KCNQ3: variants seen among roughly 807,000 people sequenced by gnomAD.
KCNQ3 encodes potassium voltage-gated channel subfamily KQT member 3.
Under a neutral mutation model 92.5 loss-of-function variants are expected in KCNQ3, and 30 were observed. The observed-to-expected ratio is 0.32, with a 90% confidence interval of 0.24 to 0.44. The LOEUF is 0.44. Among genes scored for constraint, KCNQ3 ranks in the 20% least tolerant of loss-of-function variants. KCNQ3 has a pLI of 1.00. For missense variants in KCNQ3, 913 were observed against 1,140.3 expected, an observed-to-expected ratio of 0.80 and a Z score of 2.87; for synonymous variants, 450 against 468.8, an observed-to-expected ratio of 0.96 and a Z score of 0.52.
intron 1 of KCNQ3, among the ~76,000 whole-genome samples, chr8:132,470,582 A>T (rs979110702): frequency 6.6e-6 from 1 of 152,228 alleles, no homozygotes; most frequent in African/African-American, 2.4e-5. Context: ...AATATAGAAC[A>T]TCCACTTACA....
At chr8:132,173,917 G>C (rs1188804406) in intron 6 of KCNQ3, among the ~76,000 whole-genome samples, 3 of 152,182 alleles carry the variant, frequency 2.0e-5, no homozygotes, top group Non-Finnish European at 4.4e-5. Flanking sequence ...CAGTCCTCTG[G>C]GGAAGGCAGA....
At chr8:132,164,242 AATTGCCCAAGGTCT>A (rs1158683833) in intron 8 of KCNQ3, among the ~76,000 whole-genome samples, 179 of 151,878 alleles carry the variant, frequency 1.2e-3, no homozygotes, top group African/African-American at 4.2e-3. Flanking sequence ...GTTCTTATTC[AATTGCCCAAGGTCT>A]ACACTGAGCA....
chr8:132,362,656 G>C (rs901003748), intron 1 of KCNQ3, among the ~76,000 whole-genome samples: 1 of 152,168 alleles, frequency 6.6e-6, no homozygotes, highest in African/African-American at 2.4e-5. Context: ...ACCAGAAAGT[G>C]GAACATTTGA....
At chr8:132,194,989 C>G (rs1827263494) in intron 1 of KCNQ3, among the ~76,000 whole-genome samples, 4 of 152,152 alleles carry the variant, frequency 2.6e-5, no homozygotes. Context: ...TTGTGCTATT[C>G]TTTTACCTGA....
At chr8:132,198,049 A>G (rs1238722165) in intron 1 of KCNQ3, among the ~76,000 whole-genome samples, 3 of 152,080 alleles carry the variant, frequency 2.0e-5, no homozygotes, top group Non-Finnish European at 4.4e-5. Flanking sequence ...TCCAGTCAAT[A>G]GACTACAGTA....
chr8:132,420,555 T>C (rs546227702), intron 1 of KCNQ3, among the ~76,000 whole-genome samples: 1 of 152,260 alleles, frequency 6.6e-6, no homozygotes, highest in Non-Finnish European at 1.5e-5. Context: ...TGTTCTTTTT[T>C]CAAAAGATAG....
chr8:132,246,785 G>A (rs998731504), intron 1 of KCNQ3, among the ~76,000 whole-genome samples: 5 of 152,048 alleles, frequency 3.3e-5, no homozygotes, highest in East Asian at 1.9e-4. Context: ...CCAGCATTAC[G>A]TCCTCCAGAA....
intron 12 of KCNQ3, among the ~76,000 whole-genome samples, chr8:132,136,140 A>G (rs1450055024): frequency 1.3e-5 from 2 of 149,984 alleles, no homozygotes; most frequent in Admixed American, 1.3e-4. Flanking sequence ...AAAAAAAAAA[A>G]AAAAAAGAAA....
At chr8:132,246,554 G>A (rs182127403) in intron 1 of KCNQ3, among the ~76,000 whole-genome samples, 2 of 152,304 alleles carry the variant, frequency 1.3e-5, no homozygotes, top group African/African-American at 2.4e-5. Flanking sequence ...CCTGATTGCT[G>A]CCATGATAAT....
intron 1 of KCNQ3, among the ~76,000 whole-genome samples, chr8:132,270,820 A>C (rs1288613733): frequency 1.3e-5 from 2 of 152,244 alleles, no homozygotes; most frequent in African/African-American, 4.8e-5. Flanking sequence ...AAAAATTTAA[A>C]AGAAAGTTCA....
chr8:132,447,007 C>T (rs368779567), intron 1 of KCNQ3, among the ~76,000 whole-genome samples: 82 of 152,286 alleles, frequency 5.4e-4, no homozygotes, highest in Admixed American at 4.6e-3. Flanking sequence ...CATCTCATTA[C>T]CATTAGGGTA....
chr8:132,145,431 T>A (rs1825422643), intron 9 of KCNQ3, among the ~76,000 whole-genome samples: 3 of 152,218 alleles, frequency 2.0e-5, no homozygotes, highest in Admixed American at 2.0e-4. Context: ...AGTTCCAATC[T>A]CTGCTCTGTA....
rs144411082 is a variant in KCNQ3 at position 132,450,726 on chromosome 8, C to T, written c.386+29421G>A. On this transcript the variant is annotated intron_variant, in intron 1 of 14. Coordinates refer to ENST00000388996, the MANE Select transcript of KCNQ3 (RefSeq NM_004519.4). Reference sequence around the variant, plus strand: ...CAATGCAGGTGAATGCCCTTTGAGCCGAAGAGGAAGAAGGAGCTCACATGC... The same window carrying T: ...CAATGCAGGTGAATGCCCTTTGAGCTGAAGAGGAAGAAGGAGCTCACATGC... Among the ~76,000 whole-genome samples, 34 of 152,266 alleles carry T rather than the reference C, an allele frequency of 2.2e-4. 1 individual carries two copies. The highest frequency in any genetic ancestry group is 6.3e-4 in the African/African-American group (26 of 41,550).
intron 1 of KCNQ3, among the ~76,000 whole-genome samples, chr8:132,414,783 G>A (rs953363236): frequency 6.6e-6 from 1 of 152,172 alleles, no homozygotes; most frequent in African/African-American, 2.4e-5. Context: ...TGATAGAAAC[G>A]CATGACCCAC....
At chr8:132,152,560 G>C (rs899908420) in intron 9 of KCNQ3, among the ~76,000 whole-genome samples, 2 of 152,144 alleles carry the variant, frequency 1.3e-5, no homozygotes, top group Non-Finnish European at 2.9e-5. Context: ...TTTTACCAAG[G>C]CTTTGACTGG....
intron 1 of KCNQ3, among the ~76,000 whole-genome samples, chr8:132,460,242 T>A (rs2597346): frequency 0.24 from 36,487 of 152,130 alleles, 5,365 homozygotes; most frequent in East Asian, 0.38. Context: ...GATTTGACTT[T>A]CTAGGCTCAA....
At chr8:132,480,061 GC>G in intron 1 of KCNQ3, 85 bp downstream of exon 1, 1 of 1,349,108 alleles carries the variant, frequency 7.4e-7, no homozygotes, top group Non-Finnish European at 1.0e-6. Flanking sequence ...GGGTCTTAAA[GC>G]CCCAGAGACT....
At chr8:132,342,913 A>C (rs1265250045) in intron 1 of KCNQ3, among the ~76,000 whole-genome samples, 2 of 152,190 alleles carry the variant, frequency 1.3e-5, no homozygotes, top group Non-Finnish European at 2.9e-5. Flanking sequence ...CACCTACTGC[A>C]CTATAAACAC....
intron 1 of KCNQ3, among the ~76,000 whole-genome samples, chr8:132,303,565 GATA>G (rs1817291973): frequency 2.3e-5 from 1 of 42,566 alleles, no homozygotes. Context: ...AAGAAAATGT[GATA>G]TATATATATA....
Sources: allele counts gnomAD v4.1 joint callset (sites outside exome capture counted in the v4.1 genomes callset), GRCh38; gene constraint gnomAD v4.1.1; transcripts MANE v1.5; gene names NCBI Gene and HGNC (gene_info 2026-07-23, HGNC 2026-07-21).